THAP6: variants seen among roughly 807,000 people sequenced by gnomAD.
The protein encoded by THAP6 is THAP domain containing 6.
THAP6 carries 13 observed loss-of-function variants against 20.0 expected under a neutral mutation model. That is an observed-to-expected ratio of 0.65 (90% CI 0.42 to 1.03). The LOEUF (loss-of-function observed/expected upper bound fraction) is 1.03. Among genes scored for constraint, THAP6 ranks in the 50% least tolerant of loss-of-function variants. The pLI is 0.00. For missense variants in THAP6, 262 were observed against 261.6 expected (o/e 1.00, Z -0.01); for synonymous variants, 93 against 92.2 (o/e 1.01, Z -0.05).
chr4:75,537,889 G>A (rs1467171648), intron 2 of THAP6, among the ~76,000 whole-genome samples: 6 of 152,174 alleles, frequency 3.9e-5, no homozygotes, highest in Non-Finnish European at 7.3e-5. Flanking sequence ...GTCTCCCAGA[G>A]AGCATCCAGA....
intron 2 of THAP6, among the ~76,000 whole-genome samples, chr4:75,541,233 A>C (rs1726993702): frequency 6.6e-6 from 1 of 152,202 alleles, no homozygotes; most frequent in African/African-American, 2.4e-5. Flanking sequence ...GGCAACCCAA[A>C]TACCCATCAA....
chr4:75,520,275 A>G (rs1406967843), intron 3 of THAP6, among the ~76,000 whole-genome samples: 1 of 152,074 alleles, frequency 6.6e-6, no homozygotes, highest in Non-Finnish European at 1.5e-5. Context: ...CCCATTTTGT[A>G]GGTTGCCGGG....
chr4:75,544,521 A>C (rs1727082789), intron 3 of THAP6: 3 of 151,994 alleles, frequency 2.0e-5, no homozygotes, highest in Non-Finnish European at 4.4e-5. Context: ...TGCCCAGCTA[A>C]TTTTTGTATT....
chr4:75,517,829 G>C (rs1725760903), intron 3 of THAP6: 1 of 152,178 alleles, frequency 6.6e-6, no homozygotes, highest in African/African-American at 2.4e-5. Context: ...CCATGGGTTG[G>C]CTGCCTCACC....
intron 2 of THAP6, among the ~76,000 whole-genome samples, chr4:75,536,363 C>T (rs1726852704): frequency 6.6e-6 from 1 of 152,008 alleles, no homozygotes; most frequent in African/African-American, 2.4e-5. Flanking sequence ...ACTCAGGAGG[C>T]TGAGGCAGGA....
chr4:75,527,403 G>T lies in THAP6; in HGVS notation c.*189G>T, dbSNP rs957799569. 8 of 1,397,390 alleles carry T rather than the reference G, an allele frequency of 5.7e-6. No individual in the cohort carries two copies. Among genetic ancestry groups the T allele is most frequent in the South Asian group, 1.7e-5 (1 of 59,646 alleles). The allele number at this position is 1,397,390 out of a possible 1,614,324, so 86.6% of individuals were successfully genotyped here. A position where few individuals can be genotyped will look rare whatever the true frequency, so the allele number is the denominator to read the frequency against. On this transcript the variant is annotated 3_prime_UTR_variant, in exon 5 of 5. Coordinates refer to ENST00000311638, the MANE Select transcript of THAP6 (RefSeq NM_144721.6). Reference sequence around the variant, plus strand: ...AGAAATTTGTGGTAATTATGTATTTGTGTCTTGTGACAATTATGTTTTATA... The same window carrying T: ...AGAAATTTGTGGTAATTATGTATTTTTGTCTTGTGACAATTATGTTTTATA...
Position 75,538,579 on chromosome 4 carries a change from T to C in THAP6, c.166-3830T>C, listed in dbSNP as rs147093568. Among the ~76,000 whole-genome samples, 54 of 152,324 alleles carry C rather than the reference T, an allele frequency of 3.5e-4. No individual in the cohort carries two copies. In the East Asian group the frequency reaches 5.6e-3, roughly 16 times the overall value. ...AATGGGAAGAGGGAAGCCAGGTTTC[T>C]AAAACCTAAAGGCAAGCCTGGGTAG... On this transcript the variant is annotated intron_variant, in intron 2 of 4. Coordinates refer to the THAP6 transcript ENST00000502620.
In THAP6 at chr4:75,528,475, C is replaced by A; in HGVS notation, c.*1261C>A. The A allele has an allele frequency of 1.0e-6, 1 of 985,360 alleles. No individual in the cohort carries two copies. Among genetic ancestry groups the A allele is most frequent in the Non-Finnish European group, 1.2e-6 (1 of 829,864 alleles). The allele number at this position is 985,360 out of a possible 1,614,324, so 61.0% of individuals were successfully genotyped here. A position where few individuals can be genotyped will look rare whatever the true frequency, so the allele number is the denominator to read the frequency against. On this transcript the variant is annotated 3_prime_UTR_variant, in exon 5 of 5. Transcript: ENST00000311638. ...GTTGTAGCAGTTAGAATTTGAGTAT[C>A]AGCCATTTCATTGTAGTAACAAAAA...
chr4:75,526,884 C>A (rs1455475253), intron 4 of THAP6, 76 bp from the exon 5 acceptor site: 1 of 1,524,816 alleles, frequency 6.6e-7, no homozygotes, highest in African/African-American at 1.4e-5. Context: ...AATGAAGAAA[C>A]AGCTTAGACC....
chr4:75,521,923 AC>A, intron 4 of THAP6, 62 bp downstream of exon 4: 1 of 1,592,056 alleles, frequency 6.3e-7, no homozygotes, highest in Non-Finnish European at 8.6e-7. Context: ...CCTCTCCATT[AC>A]AATCAAATTT....
intron 2 of THAP6, among the ~76,000 whole-genome samples, chr4:75,538,196 A>G (rs1241366447): frequency 6.6e-6 from 1 of 152,218 alleles, no homozygotes; most frequent in African/African-American, 2.4e-5. Context: ...GGGAGACAGC[A>G]TTAAAAAATA....
chr4:75,517,511 G>A (rs1421473499), intron 3 of THAP6: 2 of 152,364 alleles, frequency 1.3e-5, no homozygotes, highest in African/African-American at 4.8e-5. Context: ...GTTTGATGAA[G>A]TGGGCTGACT....
intron 1 of THAP6, chr4:75,515,005 C>A: frequency 6.0e-6 from 1 of 168,046 alleles, no homozygotes; most frequent in South Asian, 1.4e-4. Flanking sequence ...AGATTACAAC[C>A]TGGAGAAGTG....
Position 75,521,743 on chromosome 4 carries a change from G to T in THAP6, c.296G>T (p.Arg99Ile). 1 of 1,610,454 alleles carries T rather than the reference G, an allele frequency of 6.2e-7. No homozygotes were observed. Among genetic ancestry groups the T allele is most frequent in the Non-Finnish European group, 8.5e-7 (1 of 1,178,240 alleles). Residue 99 changes from arginine to isoleucine, a missense_variant, in exon 4 of 5, where the codon AGA (arginine) becomes ATA (isoleucine). Physicochemically the swap from Arg to Ile is moderately conservative, Grantham distance 97. Transcript: ENST00000311638. Reference protein sequence around the residue: ...FDSPYHLQGKREKLHCRKNFT... With the variant: ...FDSPYHLQGKIEKLHCRKNFT... ...ATTAACTACTCTTAACAGGGGAAAA[G>T]AGAAAAACTTCATTGTAGAAAAAAC...
At position 75,528,139 on chromosome 4, in the gene THAP6, G is replaced by A. The variant is rs1726496548; in HGVS notation, c.*925G>A. The A allele has an allele frequency of 1.0e-6, 1 of 984,962 alleles. No individual in the cohort carries two copies. The allele number at this position is 984,962 out of a possible 1,614,324, so 61.0% of individuals were successfully genotyped here. A position where few individuals can be genotyped will look rare whatever the true frequency, so the allele number is the denominator to read the frequency against. The stretch of plus-strand genomic sequence containing the variant: ...AACTGTGGCTCTTCCAGTTGAAATA[G>A]GAATTGGAGAGAAAGGATTAGAATA... On this transcript the variant is annotated 3_prime_UTR_variant, in exon 5 of 5. Coordinates refer to ENST00000311638, the MANE Select transcript of THAP6 (RefSeq NM_144721.6).
Position 75,529,757 on chromosome 4 carries a change from A to G in THAP6, c.*2543A>G, listed in dbSNP as rs1726607565. ...AGGAGTGGCCTCTAGAGCCAGGAAC[A>G]CATTAATACAACAGTTCAACCTCAG... On this transcript the variant is annotated 3_prime_UTR_variant, in exon 5 of 5. Transcript: ENST00000311638. 2.0e-6 allele frequency: 2 copies of G among 985,328 alleles called. No individual in the cohort carries two copies. The highest frequency in any genetic ancestry group is 2.4e-6 in the Non-Finnish European group (2 of 829,942). 61.0% of individuals were successfully genotyped at this position (985,328 alleles called of 1,614,324 possible).
downstream of THAP6, among the ~76,000 whole-genome samples, chr4:75,533,381 A>G (rs1726746218): frequency 6.6e-6 from 1 of 152,162 alleles, no homozygotes; most frequent in South Asian, 2.1e-4. Flanking sequence ...ATTTTAGTCA[A>G]AGCCATTCAA....
intron 3 of THAP6, among the ~76,000 whole-genome samples, chr4:75,520,093 T>G (rs886110192): frequency 1.3e-5 from 2 of 152,150 alleles, no homozygotes; most frequent in African/African-American, 2.4e-5. Context: ...TGGTGAGCAT[T>G]TTTTCATGTG....
intron 3 of THAP6, chr4:75,542,741 T>C: frequency 6.0e-6 from 2 of 331,772 alleles, no homozygotes; most frequent in Non-Finnish European, 1.1e-5. Flanking sequence ...TTTTGTCTTT[T>C]TTTATTTATT....
Sources: allele counts gnomAD v4.1 joint callset (sites outside exome capture counted in the v4.1 genomes callset), GRCh38; gene constraint gnomAD v4.1.1; transcripts MANE v1.5; gene names NCBI Gene and HGNC (gene_info 2026-07-23, HGNC 2026-07-21).